Variants in MPP2 observed in about 807,000 individuals in gnomAD.
MPP2 encodes the protein MAGUK p55 subfamily member 2.
A neutral mutation model predicts 58.5 loss-of-function variants in MPP2; 42 were observed. The observed-to-expected ratio is 0.72, with a 90% CI of 0.56 to 0.93. MPP2 has a LOEUF of 0.93. Ranked by LOEUF, MPP2 falls within the 40% of genes least tolerant of loss-of-function variation. The pLI, the probability that MPP2 is intolerant of heterozygous loss-of-function variation, is 0.00. For missense variants in MPP2, 632 were observed against 760.4 expected (o/e 0.83, Z 1.99); for synonymous variants, 300 against 307.8 (o/e 0.97, Z 0.26).
At chr17:43,900,417 A>T in intron 2 of MPP2, 1 of 1,535,992 alleles carries the variant, frequency 6.5e-7, no homozygotes, top group Non-Finnish European at 8.8e-7. Flanking sequence ...CTGCTGGAGG[A>T]AGGTAGGCTA....
At chr17:43,883,833 G>A (rs1001930703) in intron 3 of MPP2, among the ~76,000 whole-genome samples, 8 of 152,164 alleles carry the variant, frequency 5.3e-5, no homozygotes, top group African/African-American at 1.9e-4. Context: ...CCCAGCGAAT[G>A]AGGGGACAGG....
chr17:43,908,025 CAG>C (rs1410555813), upstream of MPP2: 1 of 961,970 alleles, frequency 1.0e-6, no homozygotes, highest in South Asian at 4.8e-5. Flanking sequence ...TTTAAGGACT[CAG>C]AGGGTGGATA....
intron 4 of MPP2, 71 bp downstream of exon 4, chr17:43,883,132 C>T (rs971576532): frequency 2.6e-5 from 40 of 1,554,622 alleles, no homozygotes; most frequent in Non-Finnish European, 3.4e-5. Context: ...TTCCTGCTGG[C>T]CCATCCAACA....
At chr17:43,900,897 A>G (rs893936647) in intron 2 of MPP2, among the ~76,000 whole-genome samples, 2 of 152,074 alleles carry the variant, frequency 1.3e-5, no homozygotes, top group African/African-American at 4.8e-5. Flanking sequence ...TGCCCCTTCA[A>G]GACTGGCGCG....
Position 43,880,618 on chromosome 17 carries a change from G to A in MPP2, c.1150+73C>T, listed in dbSNP as rs978123898. ...CTGGTGCCCATGAAGATGCCCATTCGGTGGGCCCAGCCCTGGCCCCAGGGG... is the reference window on the plus strand; with the variant it reads ...CTGGTGCCCATGAAGATGCCCATTCAGTGGGCCCAGCCCTGGCCCCAGGGG... On this transcript the variant is annotated intron_variant, in intron 10 of 12. Transcript: ENST00000269095. This position sits in a 1 kb window ranked among gnomAD's most constrained non-coding sequence, Gnocchi z 5.2. 2.6e-5 allele frequency: 38 copies of A among 1,475,102 alleles called. No homozygotes were observed. The South Asian group carries it at 3.8e-4, about 15-fold the overall frequency. 91.4% of individuals were successfully genotyped at this position (1,475,102 alleles called of 1,614,324 possible).
rs113418174 is a variant in MPP2 at position 43,880,429 on chromosome 17, T to C, written c.1150+262A>G. ...CACAGCTGGGCACTCACTTTCTTCA[T>C]GGCTTTTAGCAAGTGAAACAAGAGA... On this transcript the variant is annotated intron_variant, in intron 10 of 12. Coordinates refer to ENST00000269095, the MANE Select transcript of MPP2 (RefSeq NM_005374.5). This position sits in a 1 kb window ranked among gnomAD's most constrained non-coding sequence, Gnocchi z 5.2. Among the ~76,000 whole-genome samples, 4,720 of 152,314 alleles carry C rather than the reference T, an allele frequency of 0.031. 205 individuals carry two copies. The highest frequency in any genetic ancestry group is 0.096 in the African/African-American group (3,991 of 41,548).
intron 6 of MPP2, 47 bp from the exon 7 acceptor site, chr17:43,881,636 G>A (rs764290425): frequency 1.1e-5 from 18 of 1,597,886 alleles, no homozygotes; most frequent in Non-Finnish European, 1.5e-5. Context: ...TCAGCAGAAG[G>A]CTGCAGGTGG....
At chr17:43,882,540 G>A (rs776498383) in intron 5 of MPP2, 29 bp from the exon 6 acceptor site, 10 of 1,591,056 alleles carry the variant, frequency 6.3e-6, no homozygotes, top group Non-Finnish European at 8.5e-7. Flanking sequence ...GTAAGATGAG[G>A]CCCCAATTGC....
Position 43,877,672 on chromosome 17 carries a change from C to A in MPP2, c.*135G>T, listed in dbSNP as rs549350257. On this transcript the variant is annotated 3_prime_UTR_variant, in exon 13 of 13. Transcript: ENST00000269095. ...CTCTGTGCTGAAGCCAGACTTAGGG[C>A]CTGCTGGGAGCTGTTACCCAAGGAC... 3 of 771,198 alleles carry A rather than the reference C, an allele frequency of 3.9e-6. No individual in the cohort carries two copies. The highest frequency in any genetic ancestry group is 3.4e-5 in the African/African-American group (2 of 58,206). 47.8% of individuals were successfully genotyped at this position (771,198 alleles called of 1,614,324 possible).
chr17:43,881,923 C>T (rs1209722463), intron 6 of MPP2, among the ~76,000 whole-genome samples: 3 of 152,160 alleles, frequency 2.0e-5, no homozygotes, highest in African/African-American at 7.2e-5. Flanking sequence ...GATAGGGAGA[C>T]AGAGCAGCCA....
At chr17:43,895,390 C>T (rs2047802235) in intron 3 of MPP2, among the ~76,000 whole-genome samples, 1 of 152,162 alleles carries the variant, frequency 6.6e-6, no homozygotes, top group Non-Finnish European at 1.5e-5. Context: ...GGGACTAAAG[C>T]TGTAAGCCAC....
chr17:43,882,579 T>C, intron 5 of MPP2, 68 bp from the exon 6 acceptor site: 5 of 1,445,492 alleles, frequency 3.5e-6, no homozygotes, highest in Non-Finnish European at 4.7e-6. Flanking sequence ...AATAGTCTCC[T>C]AATAGCTCCT....
Position 43,880,954 on chromosome 17 carries a change from G to C in MPP2, c.989-102C>G, listed in dbSNP as rs1411048285. The C allele has an allele frequency of 1.3e-6, 2 of 1,526,306 alleles. No individual in the cohort carries two copies. The highest frequency in any genetic ancestry group is 1.8e-4 in the Middle Eastern group (1 of 5,478). The allele number at this position is 1,526,306 out of a possible 1,614,324, so 94.5% of individuals were successfully genotyped here. ...AAGAGGGCTTGGAACAGGGGAGCAGGGGGGAGTCGGGCAGGGCCTAGGGAC... is the reference window on the plus strand; with the variant it reads ...AAGAGGGCTTGGAACAGGGGAGCAGCGGGGAGTCGGGCAGGGCCTAGGGAC... On this transcript the variant is annotated intron_variant, in intron 9 of 12. Coordinates refer to ENST00000269095, the MANE Select transcript of MPP2 (RefSeq NM_005374.5). The surrounding 1 kb of genome is among the most constrained non-coding windows in gnomAD (Gnocchi z 5.2).
At chr17:43,903,745 T>A (rs1474806731) in intron 2 of MPP2, among the ~76,000 whole-genome samples, 7 of 152,332 alleles carry the variant, frequency 4.6e-5, no homozygotes, top group Admixed American at 3.9e-4. Context: ...TAATTATGAC[T>A]ATTCCTAAAA....
intron 3 of MPP2, among the ~76,000 whole-genome samples, chr17:43,887,606 A>G (rs981352945): frequency 7.9e-5 from 12 of 151,972 alleles, no homozygotes; most frequent in African/African-American, 2.4e-4. Flanking sequence ...ATACACTTTG[A>G]TATCTTTCAA....
chr17:43,901,254 G>A (rs2048086824), intron 2 of MPP2: 1 of 985,232 alleles, frequency 1.0e-6, no homozygotes, highest in Admixed American at 6.2e-5. Context: ...GCATCGCTGT[G>A]GGTAGGGATG....
upstream of MPP2, among the ~76,000 whole-genome samples, chr17:43,909,115 G>A (rs1441611915): frequency 6.6e-6 from 1 of 152,084 alleles, no homozygotes; most frequent in Non-Finnish European, 1.5e-5. Context: ...TGCCCAGGCT[G>A]GGGTGCAATG....
chr17:43,901,895 C>T (rs986970740), intron 2 of MPP2, among the ~76,000 whole-genome samples: 21 of 152,174 alleles, frequency 1.4e-4, no homozygotes, highest in Admixed American at 1.2e-3. Flanking sequence ...TTCAACCATA[C>T]TGACCCATGG....
chr17:43,900,608 C>G, intron 2 of MPP2: 1 of 1,490,468 alleles, frequency 6.7e-7, no homozygotes, highest in Non-Finnish European at 9.0e-7. Flanking sequence ...CGTCTACCGC[C>G]TCCCCAGCCA....
Sources: gnomAD v4.1 joint callset for allele counts (sites outside exome capture counted in the v4.1 genomes callset) on GRCh38, gnomAD v4.1.1 for gene constraint, Gnocchi (gnomAD v3.1) non-coding constraint, MANE v1.5 for transcripts, NCBI Gene and HGNC (gene_info 2026-07-23, HGNC 2026-07-21) for gene names.